Variants in KLHL41 observed in about 807,000 individuals in gnomAD.
KLHL41 encodes the protein kelch-like protein 41.
Under a neutral mutation model 49.2 loss-of-function variants are expected in KLHL41, and 31 were observed. The ratio of observed to expected loss-of-function variants is 0.63; its 90% CI spans 0.47 to 0.85. The LOEUF (loss-of-function observed/expected upper bound fraction) is 0.85. KLHL41 is among the 40% of genes least tolerant of loss of function. KLHL41 has a pLI of 0.00. For synonymous variants in KLHL41, 218 were observed against 258.5 expected (o/e 0.84, Z 1.50); for missense variants, 663 against 726.7 (o/e 0.91, Z 1.01).
chr2:169,515,612 A>G (rs1304940315), intron 3 of KLHL41, among the ~76,000 whole-genome samples: 1 of 152,210 alleles, frequency 6.6e-6, no homozygotes. Flanking sequence ...GTAGATAAAA[A>G]TTGAAAGGTA....
intron 4 of KLHL41, among the ~76,000 whole-genome samples, chr2:169,519,651 CTTTT>C (rs11384512): frequency 1.4e-5 from 2 of 138,468 alleles, no homozygotes; most frequent in African/African-American, 2.7e-5. Context: ...TTTTCTCAAA[CTTTT>C]TTTTTTTTTT....
intron 4 of KLHL41, 125 bp from the exon 5 acceptor site, chr2:169,520,736 A>G (rs1348532752): frequency 4.2e-6 from 3 of 719,214 alleles, no homozygotes; most frequent in Non-Finnish European, 6.8e-6. Context: ...TACCGGCATG[A>G]GCCACCGCGC....
chr2:169,512,227 T>G (rs781168942), intron 1 of KLHL41, among the ~76,000 whole-genome samples: 1 of 152,202 alleles, frequency 6.6e-6, no homozygotes, highest in Non-Finnish European at 1.5e-5. Context: ...TGAAGAATGT[T>G]ATAAGTATTT....
chr2:169,510,906 T>C lies in KLHL41; in HGVS notation c.1110+18T>C. On this transcript the variant is annotated intron_variant, in intron 1 of 5. Transcript: ENST00000284669. The surrounding 1 kb of genome is among the most constrained non-coding windows in gnomAD (Gnocchi z 4.2). ...TCTTCCAGGTAAGAAGGACTTTTTG[T>C]ATATGTAGTTGCTTAAAGGGAAGGC... 1 of 1,600,242 alleles carries C rather than the reference T, an allele frequency of 6.2e-7. No individual in the cohort carries two copies. Among genetic ancestry groups the C allele is most frequent in the Non-Finnish European group, 8.5e-7 (1 of 1,171,666 alleles).
At chr2:169,520,098 CAAG>C (rs201651775) in intron 4 of KLHL41, among the ~76,000 whole-genome samples, 2,063 of 151,536 alleles carry the variant, frequency 0.014, 27 homozygotes, top group South Asian at 0.039. Context: ...CTCAAGGGCT[CAAG>C]AGATCCTCCC....
chr2:169,518,206 G>T lies in KLHL41; in HGVS notation c.1393G>T (p.Val465Leu). ...KTDDKKCTNR[V>L]FIFNPKKGDW... is the part of the protein sequence containing the mutation. ...TGTTTACAGAAAATGTACAAACAGG[G>T]TGTTTATCTTCAACCCCAAAAAAGG... Residue 465 changes from valine (V) to leucine (L), a missense_variant, in exon 4 of 6, where the codon GTG becomes TTG. This residue lies in a region of KLHL41 where 528 missense variants were observed against 581.0 expected (regional missense o/e 0.91). Transcript: ENST00000284669. 2 of 1,612,584 alleles carry T rather than the reference G, an allele frequency of 1.2e-6. No individual in the cohort carries two copies. Among genetic ancestry groups the T allele is most frequent in the Non-Finnish European group, 1.7e-6 (2 of 1,179,202 alleles).
intron 1 of KLHL41, chr2:169,514,371 A>G (rs1315718836): frequency 1.1e-5 from 5 of 438,584 alleles, no homozygotes; most frequent in Non-Finnish European, 2.0e-5. Flanking sequence ...TGATATCTTT[A>G]TCTGGTAGGC....
At chr2:169,523,032 T>C (rs946770188) in intron 5 of KLHL41, among the ~76,000 whole-genome samples, 4 of 151,722 alleles carry the variant, frequency 2.6e-5, no homozygotes, top group Admixed American at 2.0e-4. Context: ...CCCAGATGAT[T>C]CTAATCAGCA....
chr2:169,510,683 T>C lies in KLHL41; in HGVS notation c.905T>C (p.Val302Ala). 1 of 1,614,174 alleles carries C rather than the reference T, an allele frequency of 6.2e-7. No homozygotes were observed. The highest frequency in any genetic ancestry group is 8.5e-7 in the Non-Finnish European group (1 of 1,180,018). Residue 302 changes from valine to alanine, a missense_variant, in exon 1 of 6, where the codon GTA becomes GCA. Coordinates refer to ENST00000284669, the MANE Select transcript of KLHL41 (RefSeq NM_006063.3). This position sits in a 1 kb window ranked among gnomAD's most constrained non-coding sequence, Gnocchi z 4.2. ...GACATTCCCAGGCATGGAATGTTTG[T>C]AAAAGACCTCATCCTCTTGGTTAAT... ...LNDIPRHGMFVKDLILLVNDT... is the reference protein window; with the variant it reads ...LNDIPRHGMFAKDLILLVNDT...
At chr2:169,516,788 G>A (rs1341211076) in intron 3 of KLHL41, among the ~76,000 whole-genome samples, 4 of 152,194 alleles carry the variant, frequency 2.6e-5, no homozygotes, top group Non-Finnish European at 2.9e-5. Flanking sequence ...TTGGGAGACC[G>A]AGGCAGGTGG....
At chr2:169,520,460 ATTTTTT>A (rs1213571328) in intron 4 of KLHL41, among the ~76,000 whole-genome samples, 1 of 141,310 alleles carries the variant, frequency 7.1e-6, no homozygotes, top group Non-Finnish European at 1.5e-5. Context: ...TTGAATATTT[ATTTTTT>A]ATTTAGATGG....
chr2:169,515,920 GA>G (rs941021373), intron 3 of KLHL41, among the ~76,000 whole-genome samples: 7 of 152,166 alleles, frequency 4.6e-5, no homozygotes, highest in African/African-American at 1.7e-4. Flanking sequence ...AAACCAGGAT[GA>G]GGTTTCATAT....
At chr2:169,522,575 C>T (rs760241230) in intron 5 of KLHL41, among the ~76,000 whole-genome samples, 6 of 152,026 alleles carry the variant, frequency 3.9e-5, no homozygotes, top group Non-Finnish European at 7.4e-5. Context: ...ATTCTCAACC[C>T]TAGCTGTATG....
chr2:169,516,881 C>T (rs1471148794), intron 3 of KLHL41, among the ~76,000 whole-genome samples: 10 of 152,040 alleles, frequency 6.6e-5, no homozygotes, highest in Non-Finnish European at 1.3e-4. Context: ...ATTAACCGGG[C>T]GTGGTGCCGT....
intron 5 of KLHL41, among the ~76,000 whole-genome samples, chr2:169,523,615 A>AT (rs1346998552): frequency 6.6e-6 from 1 of 152,170 alleles, no homozygotes; most frequent in Non-Finnish European, 1.5e-5. Context: ...GCCACCCTTC[A>AT]TACCAATTAA....
intron 3 of KLHL41, among the ~76,000 whole-genome samples, chr2:169,517,332 G>A (rs531801849): frequency 4.6e-4 from 70 of 152,302 alleles, no homozygotes; most frequent in Middle Eastern, 6.8e-3. Context: ...GCGGGGCATG[G>A]TGGCTCACAC....
rs186686059 is a variant in KLHL41, at chr2:169,511,184, C to T, written c.1110+296C>T. The stretch of plus-strand genomic sequence containing the variant: ...GTTTATAGATGATCGTGACTGTAAT[C>T]CCTCAAAGCCCAGTATTTTAGTAAA... On this transcript the variant is annotated intron_variant, in intron 1 of 5. Coordinates refer to ENST00000284669, the MANE Select transcript of KLHL41 (RefSeq NM_006063.3). Among the ~76,000 whole-genome samples the T allele has an allele frequency of 2.0e-5, 3 of 152,166 alleles. No individual in the cohort carries two copies. In the South Asian group the frequency reaches 6.2e-4, roughly 32 times the overall value.
chr2:169,520,318 G>GTGTA (rs1684184200), intron 4 of KLHL41, among the ~76,000 whole-genome samples: 5 of 148,706 alleles, frequency 3.4e-5, no homozygotes, highest in Non-Finnish European at 6.0e-5. Flanking sequence ...GTGTATGTGT[G>GTGTA]TGTGTGTGTG....
intron 5 of KLHL41, among the ~76,000 whole-genome samples, chr2:169,524,039 T>G (rs1205104628): frequency 6.6e-6 from 1 of 150,508 alleles, no homozygotes; most frequent in Non-Finnish European, 1.5e-5. Context: ...TCTTGTATTT[T>G]TTTCTTGAAA....
Sources: gnomAD v4.1 joint callset for allele counts (sites outside exome capture counted in the v4.1 genomes callset) on GRCh38, gnomAD v4.1.1 for gene constraint, gnomAD v4.1.1 regional missense constraint, Gnocchi (gnomAD v3.1) non-coding constraint, MANE v1.5 for transcripts, NCBI Gene and HGNC (gene_info 2026-07-23, HGNC 2026-07-21) for gene names.